The following DDR2 variants were observed in gnomAD, a reference collection of about 807,000 sequenced individuals.
DDR2 encodes the protein discoidin domain-containing receptor 2.
In DDR2, 27 loss-of-function variants were observed where a neutral mutation model predicts 94.9. The ratio of observed to expected loss-of-function variants is 0.28; its 90% CI spans 0.21 to 0.39. DDR2 has a LOEUF of 0.39. Among genes scored for constraint, DDR2 ranks in the 10% least tolerant of loss-of-function variants. The probability of loss-of-function intolerance (pLI) is 1.00; values close to 1 mark genes in which losing one functional copy is unlikely to be tolerated. For missense variants in DDR2, 783 were observed against 1,076.0 expected (o/e 0.73, Z 3.81); for synonymous variants, 382 against 377.2 (o/e 1.01, Z -0.15).
At chr1:162,642,580 G>A (rs577683798) in intron 1 of DDR2, among the ~76,000 whole-genome samples, 2 of 151,610 alleles carry the variant, frequency 1.3e-5, no homozygotes, top group Admixed American at 6.6e-5. Flanking sequence ...GTGAGCCACC[G>A]TGCCTGGCCT....
chr1:162,648,236 G>C (rs920370619), intron 1 of DDR2, among the ~76,000 whole-genome samples: 1 of 152,138 alleles, frequency 6.6e-6, no homozygotes, highest in Non-Finnish European at 1.5e-5. Flanking sequence ...GGTTTGTATA[G>C]CCAGGGGACT....
chr1:162,666,663 T>C (rs1244746527), intron 2 of DDR2, among the ~76,000 whole-genome samples: 1 of 152,200 alleles, frequency 6.6e-6, no homozygotes, highest in African/African-American at 2.4e-5. Flanking sequence ...TGCAGCTGAA[T>C]AGCTGGCATT....
At chr1:162,713,351 T>C (rs1661012455) in intron 2 of DDR2, among the ~76,000 whole-genome samples, 1 of 152,164 alleles carries the variant, frequency 6.6e-6, no homozygotes, top group Admixed American at 6.6e-5. Context: ...TTTGGTTTTG[T>C]CAGAAAAGCT....
chr1:162,636,838 G>A (rs1407514345), intron 1 of DDR2, among the ~76,000 whole-genome samples: 1 of 151,842 alleles, frequency 6.6e-6, no homozygotes, highest in African/African-American at 2.4e-5. Context: ...TAAAAATGAG[G>A]GCAAATAATC....
chr1:162,636,747 G>A (rs74116776), intron 1 of DDR2, among the ~76,000 whole-genome samples: 6,600 of 152,222 alleles, frequency 0.043, 435 homozygotes, highest in African/African-American at 0.14. Flanking sequence ...CACTGTACCT[G>A]TGAAGATGGT....
chr1:162,688,265 A>T (rs1659788231), intron 2 of DDR2, among the ~76,000 whole-genome samples: 1 of 152,168 alleles, frequency 6.6e-6, no homozygotes, highest in South Asian at 2.1e-4. Context: ...CTTTCTCTTC[A>T]TTTGCACAGA....
intron 1 of DDR2, among the ~76,000 whole-genome samples, chr1:162,653,206 C>T (rs1657787121): frequency 6.6e-6 from 1 of 152,178 alleles, no homozygotes; most frequent in African/African-American, 2.4e-5. Flanking sequence ...TTTCCTTTAG[C>T]TTCTACGTCA....
intron 2 of DDR2, among the ~76,000 whole-genome samples, chr1:162,660,346 G>C (rs1367238810): frequency 6.6e-6 from 1 of 151,308 alleles, no homozygotes; most frequent in Non-Finnish European, 1.5e-5. Context: ...AGGCGGCGGT[G>C]GGCAGTTGGG....
chr1:162,755,412 G>T, intron 6 of DDR2, 109 bp downstream of exon 6: 1 of 1,418,026 alleles, frequency 7.1e-7, no homozygotes, highest in Admixed American at 1.9e-5. Flanking sequence ...CTGGAATGGT[G>T]ATGCCCTCTT....
At chr1:162,744,432 C>T (rs188493129) in intron 3 of DDR2, among the ~76,000 whole-genome samples, 34 of 152,296 alleles carry the variant, frequency 2.2e-4, no homozygotes, top group African/African-American at 8.2e-4. Context: ...GGTTATTTCA[C>T]TTAGAATTAT....
At chr1:162,706,629 C>A (rs1660672223) in intron 2 of DDR2, among the ~76,000 whole-genome samples, 1 of 152,082 alleles carries the variant, frequency 6.6e-6, no homozygotes, top group African/African-American at 2.4e-5. Flanking sequence ...TGGGGCAAGC[C>A]CTTGGTGTCA....
chr1:162,757,814 G>A (rs1663531903), intron 7 of DDR2, among the ~76,000 whole-genome samples: 1 of 152,150 alleles, frequency 6.6e-6, no homozygotes, highest in Non-Finnish European at 1.5e-5. Context: ...AACCGTGACT[G>A]TGGGGAATGA....
intron 2 of DDR2, among the ~76,000 whole-genome samples, chr1:162,672,796 T>C (rs1658931710): frequency 1.3e-5 from 2 of 152,124 alleles, no homozygotes; most frequent in African/African-American, 4.8e-5. Context: ...GCGGCCATTC[T>C]CATGAGGATG....
At position 162,778,577 on chromosome 1, in the gene DDR2, TAGGGCA is replaced by T; in HGVS notation, c.2284_2289del (p.Gly762_Lys763del). ...TTTCCCATTCTTTTCTTTACTTAAATAGGGCAAGTTCACTACAGCAAGTGATGTGTG... is the reference window on the plus strand; with the variant it reads ...TTTCCCATTCTTTTCTTTACTTAAATAGTTCACTACAGCAAGTGATGTGTG... On this transcript the variant is annotated splice_acceptor_variant and coding_sequence_variant, in exon 17 of 18. Coordinates refer to ENST00000367921, the MANE Select transcript of DDR2 (RefSeq NM_006182.4). LOFTEE classifies it high-confidence loss of function. 1 of 1,613,990 alleles carries T rather than the reference TAGGGCA, an allele frequency of 6.2e-7. No homozygotes were observed. The highest frequency in any genetic ancestry group is 8.5e-7 in the Non-Finnish European group (1 of 1,179,874).
intron 2 of DDR2, among the ~76,000 whole-genome samples, chr1:162,656,422 G>A (rs1657968568): frequency 6.6e-6 from 1 of 152,192 alleles, no homozygotes; most frequent in South Asian, 2.1e-4. Flanking sequence ...GATGCTTTTT[G>A]GATTATCTCT....
chr1:162,723,418 A>T (rs999757833), intron 3 of DDR2, among the ~76,000 whole-genome samples: 4 of 152,112 alleles, frequency 2.6e-5, no homozygotes, highest in African/African-American at 4.8e-5. Flanking sequence ...TCATGCACAA[A>T]AATACGGGGC....
At position 162,778,566 on chromosome 1, in the gene DDR2, C is replaced by A; in HGVS notation, c.2284-14C>A. The A allele has an allele frequency of 6.2e-7, 1 of 1,613,844 alleles. No individual in the cohort carries two copies. Among genetic ancestry groups the A allele is most frequent in the South Asian group, 1.1e-5 (1 of 91,074 alleles). On this transcript the variant is annotated splice_polypyrimidine_tract_variant and intron_variant, in intron 16 of 17. Coordinates refer to ENST00000367921, the MANE Select transcript of DDR2 (RefSeq NM_006182.4). ...GGTTATTCTGATTTCCCATTCTTTT[C>A]TTTACTTAAATAGGGCAAGTTCACT...
intron 3 of DDR2, among the ~76,000 whole-genome samples, chr1:162,740,698 A>G (rs1662545331): frequency 6.6e-6 from 1 of 152,234 alleles, no homozygotes; most frequent in African/African-American, 2.4e-5. Context: ...ATGTAAACTC[A>G]GTGACAAAAG....
At chr1:162,735,308 G>C (rs1041081191) in intron 3 of DDR2, among the ~76,000 whole-genome samples, 2 of 152,162 alleles carry the variant, frequency 1.3e-5, no homozygotes, top group African/African-American at 4.8e-5. Flanking sequence ...TCGAGGAAGA[G>C]GGGAGCGCTG....
Sources: gnomAD v4.1 joint callset for allele counts (sites outside exome capture counted in the v4.1 genomes callset) on GRCh38, gnomAD v4.1.1 for gene constraint, MANE v1.5 for transcripts, NCBI Gene and HGNC (gene_info 2026-07-23, HGNC 2026-07-21) for gene names.